The following ADCY8 variants were observed in gnomAD, a reference collection of about 807,000 sequenced individuals.
ADCY8 encodes adenylate cyclase 8, also known as adenylate cyclase type 8.
ADCY8 carries 51 observed loss-of-function variants against 119.7 expected under a neutral mutation model. The observed-to-expected ratio is 0.43, with a 90% CI of 0.34 to 0.54. The LOEUF (loss-of-function observed/expected upper bound fraction) is 0.54, where lower values mean the gene tolerates loss of function less well. ADCY8 is among the 20% of genes least tolerant of loss of function. The probability of loss-of-function intolerance (pLI) is 0.03; values close to 1 mark genes in which losing one functional copy is unlikely to be tolerated. For missense variants in ADCY8, 1,383 were observed against 1,598.8 expected (o/e 0.87, Z 2.30); for synonymous variants, 665 against 651.0 (o/e 1.02, Z -0.33).
chr8:130,864,336 GTATT>G (rs1466958557), intron 9 of ADCY8, among the ~76,000 whole-genome samples: 3 of 152,068 alleles, frequency 2.0e-5, no homozygotes, highest in Non-Finnish European at 4.4e-5. Flanking sequence ...TTTAACCAAA[GTATT>G]TAACCTTTAA....
At chr8:130,797,184 GC>G (rs1332893994) in intron 15 of ADCY8, among the ~76,000 whole-genome samples, 4 of 152,116 alleles carry the variant, frequency 2.6e-5, no homozygotes, top group Non-Finnish European at 5.9e-5. Flanking sequence ...TGAATGTGTG[GC>G]CCAACACAAA....
intron 12 of ADCY8, among the ~76,000 whole-genome samples, chr8:130,834,153 C>A (rs1719202976): frequency 1.3e-5 from 2 of 152,052 alleles, no homozygotes; most frequent in Admixed American, 6.6e-5. Flanking sequence ...ATGTTTTATA[C>A]CATAAGTATA....
In ADCY8 at chr8:130,780,464, G is replaced by T. The variant is rs981604557; in HGVS notation, c.3682C>A (p.Arg1228=). The change falls in exon 18 of 18, where the codon CGG becomes AGG. Residue 1228 remains arginine, a synonymous_variant. Transcript: ENST00000286355. ...TGIIKGHYNR[R]TLLSPSGTEP... ...GTGCCGCTGGGTGACAACAAAGTCCGCCGGTTGTAATGACCCTTGATGATT... is the reference window on the plus strand; with the variant it reads ...GTGCCGCTGGGTGACAACAAAGTCCTCCGGTTGTAATGACCCTTGATGATT... 14 of 1,613,600 alleles carry T rather than the reference G, an allele frequency of 8.7e-6. No homozygotes were observed. Among genetic ancestry groups the T allele is most frequent in the Non-Finnish European group, 1.2e-5 (14 of 1,179,912 alleles).
At position 131,040,009 on chromosome 8, in the gene ADCY8, A is replaced by T; in HGVS notation, c.325T>A (p.Phe109Ile). The T allele has an allele frequency of 6.4e-7, 1 of 1,561,832 alleles. No homozygotes were observed. Among genetic ancestry groups the T allele is most frequent in the Non-Finnish European group, 8.7e-7 (1 of 1,155,804 alleles). Residue 109 changes from phenylalanine to isoleucine, a missense_variant, in exon 1 of 18, where the codon TTC (phenylalanine) becomes ATC (isoleucine). Coordinates refer to ENST00000286355, the MANE Select transcript of ADCY8 (RefSeq NM_001115.3). ...CTGCCGCTCCCGCTGCGTTCCGGGAAGACTTTGGTGCCGCAGGTGCTGTGC... is the reference window on the plus strand; with the variant it reads ...CTGCCGCTCCCGCTGCGTTCCGGGATGACTTTGGTGCCGCAGGTGCTGTGC... ...RAHSTCGTKV[F>I]PERSGSGSAS...
intron 2 of ADCY8, among the ~76,000 whole-genome samples, chr8:130,976,845 G>C (rs1014501260): frequency 2.0e-5 from 3 of 152,146 alleles, no homozygotes; most frequent in African/African-American, 4.8e-5. Flanking sequence ...ATTTACATTT[G>C]TAGTGTGTTT....
intron 12 of ADCY8, among the ~76,000 whole-genome samples, chr8:130,828,555 C>T (rs181877559): frequency 6.6e-6 from 1 of 152,192 alleles, no homozygotes; most frequent in Admixed American, 6.5e-5. Flanking sequence ...GAATAGGGAT[C>T]CTTTCCATGA....
intron 1 of ADCY8, among the ~76,000 whole-genome samples, chr8:131,031,789 TTAAAA>T (rs914699880): frequency 2.6e-5 from 4 of 152,214 alleles, no homozygotes; most frequent in Non-Finnish European, 5.9e-5. Flanking sequence ...TGATTTTTTT[TTAAAA>T]TAAATTACAC....
chr8:130,992,930 T>C (rs1822646511), intron 1 of ADCY8, among the ~76,000 whole-genome samples: 1 of 152,162 alleles, frequency 6.6e-6, no homozygotes, highest in Non-Finnish European at 1.5e-5. Flanking sequence ...ATAGGTTAAC[T>C]GTGAACAAAA....
chr8:130,876,176 G>A (rs1174139261), intron 8 of ADCY8, among the ~76,000 whole-genome samples: 2 of 152,022 alleles, frequency 1.3e-5, no homozygotes, highest in East Asian at 1.9e-4. Context: ...TCAGCCTCCC[G>A]AGTAGCTGGG....
At chr8:130,925,003 T>C (rs1024585082) in intron 5 of ADCY8, among the ~76,000 whole-genome samples, 4 of 144,196 alleles carry the variant, frequency 2.8e-5, no homozygotes, top group South Asian at 2.2e-4. Flanking sequence ...GGTCAGGAGA[T>C]AGAAACACAG....
intron 2 of ADCY8, among the ~76,000 whole-genome samples, chr8:130,963,113 CTT>C (rs764620332): frequency 2.3e-5 from 3 of 130,344 alleles, no homozygotes; most frequent in African/African-American, 5.6e-5. Flanking sequence ...GTTTTTCTTT[CTT>C]TTTTTTTTTT....
chr8:130,899,567 T>C (rs1318175764), intron 7 of ADCY8, among the ~76,000 whole-genome samples: 1 of 151,236 alleles, frequency 6.6e-6, no homozygotes, highest in Non-Finnish European at 1.5e-5. Context: ...GATCGTGCCA[T>C]TGCACTCCAG....
At chr8:131,031,331 T>G (rs905992166) in intron 1 of ADCY8, among the ~76,000 whole-genome samples, 3 of 152,204 alleles carry the variant, frequency 2.0e-5, no homozygotes, top group Non-Finnish European at 4.4e-5. Flanking sequence ...TGGCTATCCA[T>G]TGGTCTTAAT....
intron 1 of ADCY8, among the ~76,000 whole-genome samples, chr8:130,992,804 A>G (rs993039334): frequency 7.0e-6 from 1 of 143,438 alleles, no homozygotes; most frequent in African/African-American, 2.6e-5. Flanking sequence ...TTGGATTCTC[A>G]GAAGGAAAGG....
chr8:130,789,900 G>A (rs1023671433), intron 15 of ADCY8, among the ~76,000 whole-genome samples: 14 of 152,184 alleles, frequency 9.2e-5, no homozygotes. Context: ...GGCAACCTGT[G>A]TTTTAACAGG....
At chr8:130,922,090 C>T (rs1053786979) in intron 5 of ADCY8, among the ~76,000 whole-genome samples, 1 of 152,128 alleles carries the variant, frequency 6.6e-6, no homozygotes, top group Non-Finnish European at 1.5e-5. Flanking sequence ...TCATAAGATG[C>T]CCTGTGCCTC....
At chr8:130,983,567 T>C (rs1215524238) in intron 2 of ADCY8, among the ~76,000 whole-genome samples, 2 of 151,948 alleles carry the variant, frequency 1.3e-5, no homozygotes, top group Non-Finnish European at 2.9e-5. Context: ...AGTGTTGGAG[T>C]ACAAAGTGAG....
chr8:130,911,907 C>T (rs946214783), intron 5 of ADCY8, among the ~76,000 whole-genome samples: 1 of 152,112 alleles, frequency 6.6e-6, no homozygotes, highest in African/African-American at 2.4e-5. Flanking sequence ...GTCTGGCACA[C>T]AAAATTCCTC....
intron 1 of ADCY8, among the ~76,000 whole-genome samples, chr8:131,036,740 C>G (rs1253821402): frequency 6.6e-6 from 1 of 152,128 alleles, no homozygotes; most frequent in Non-Finnish European, 1.5e-5. Context: ...GGAAAAGTTG[C>G]TCTAGGTAGC....
Sources: gnomAD v4.1 joint callset for allele counts (sites outside exome capture counted in the v4.1 genomes callset) on GRCh38, gnomAD v4.1.1 for gene constraint, MANE v1.5 for transcripts, NCBI Gene and HGNC (gene_info 2026-07-23, HGNC 2026-07-21) for gene names.